Variants in PPA1 observed in about 807,000 individuals in gnomAD.
The protein encoded by PPA1 is inorganic pyrophosphatase 1.
Under a neutral mutation model 41.8 loss-of-function variants are expected in PPA1, and 23 were observed. The observed-to-expected ratio is 0.55, with a 90% CI of 0.40 to 0.78. The LOEUF (loss-of-function observed/expected upper bound fraction) is 0.78. PPA1 is among the 30% of genes least tolerant of loss of function. The pLI, the probability that PPA1 is intolerant of heterozygous loss-of-function variation, is 0.00. For missense variants in PPA1, 320 were observed against 361.6 expected (o/e 0.89, Z 0.93); for synonymous variants, 101 against 116.8 (o/e 0.86, Z 0.87).
chr10:70,202,894 C>A lies in PPA1; in HGVS notation c.*261G>T. On this transcript the variant is annotated 3_prime_UTR_variant, in exon 11 of 11. Coordinates refer to ENST00000373232, the MANE Select transcript of PPA1 (RefSeq NM_021129.4). Reference sequence around the variant, plus strand: ...TAACATATACATCCAATATGTGCTCCCCTTGCACATCTATTCACAAGTGAC... The same window carrying A: ...TAACATATACATCCAATATGTGCTCACCTTGCACATCTATTCACAAGTGAC... The A allele has an allele frequency of 2.1e-6, 1 of 473,682 alleles. No individual in the cohort carries two copies. The allele number at this position is 473,682 out of a possible 1,614,324, so 29.3% of individuals were successfully genotyped here. A position where few individuals can be genotyped will look rare whatever the true frequency, so the allele number is the denominator to read the frequency against.
In PPA1 at chr10:70,233,407, C is replaced by G; in HGVS notation, c.-80G>C. On this transcript the variant is annotated 5_prime_UTR_variant, in exon 1 of 11. Coordinates refer to ENST00000373232, the MANE Select transcript of PPA1 (RefSeq NM_021129.4). ...GCCGACTGACAAGGAGAGAGCCCCA[C>G]GCCTGCGCACTGCGAGCACTGGACC... The G allele has an allele frequency of 6.7e-7, 1 of 1,494,242 alleles. No homozygotes were observed. Among genetic ancestry groups the G allele is most frequent in the East Asian group, 2.7e-5 (1 of 37,232 alleles). The allele number at this position is 1,494,242 out of a possible 1,614,324, so 92.6% of individuals were successfully genotyped here.
chr10:70,206,726 C>A (rs1047855009), intron 8 of PPA1, among the ~76,000 whole-genome samples: 2 of 150,900 alleles, frequency 1.3e-5, no homozygotes, highest in African/African-American at 4.9e-5. Context: ...TGCCTGTAGT[C>A]CCAGCTACTC....
At chr10:70,219,477 T>A (rs1161667420) in intron 2 of PPA1, among the ~76,000 whole-genome samples, 1 of 152,176 alleles carries the variant, frequency 6.6e-6, no homozygotes. Context: ...GATCATACTT[T>A]AGTTTATAAG....
At position 70,220,906 on chromosome 10, in the gene PPA1, T is replaced by TAC. The variant is rs1564584398; in HGVS notation, c.124-2090_124-2089insGT. ...TTATATATACTATATATATAATTTA[T>TAC]ATATAATATATATAATTTTTATATA... On this transcript the variant is annotated intron_variant, in intron 2 of 10. Transcript: ENST00000373232. 8.0e-3 allele frequency among the ~76,000 whole-genome samples: 74 copies of TAC among 9,200 alleles called. 4 individuals carry two copies. Among genetic ancestry groups the TAC allele is most frequent in the Admixed American group, 0.017 (7 of 414 alleles). 6.0% of individuals were successfully genotyped at this position (9,200 alleles called of 152,430 possible). A position where few individuals can be genotyped will look rare whatever the true frequency, so the allele number is the denominator to read the frequency against.
chr10:70,206,103 C>A, intron 9 of PPA1, 161 bp downstream of exon 9: 1 of 607,130 alleles, frequency 1.6e-6, no homozygotes, highest in South Asian at 2.1e-5. Flanking sequence ...GTCAAATGGC[C>A]ACTTGCATGT....
intron 2 of PPA1, among the ~76,000 whole-genome samples, chr10:70,228,489 T>C (rs1480641804): frequency 6.6e-6 from 1 of 152,310 alleles, no homozygotes; most frequent in East Asian, 1.9e-4. Flanking sequence ...TTGCTCAAAA[T>C]GGTCTGAGAT....
rs1038950686 is a variant in PPA1 at position 70,233,402 on chromosome 10, C to A, written c.-75G>T. On this transcript the variant is annotated 5_prime_UTR_variant, in exon 1 of 11. Coordinates refer to ENST00000373232, the MANE Select transcript of PPA1 (RefSeq NM_021129.4). ...GCGGCGCCGACTGACAAGGAGAGAG[C>A]CCCACGCCTGCGCACTGCGAGCACT... The A allele has an allele frequency of 3.6e-4, 546 of 1,508,296 alleles. 4 individuals carry two copies. The highest frequency in any genetic ancestry group is 6.1e-5 in the Non-Finnish European group (69 of 1,133,716). 93.4% of individuals were successfully genotyped at this position (1,508,296 alleles called of 1,614,324 possible).
rs1474841521 is a variant in PPA1 at position 70,204,935 on chromosome 10, A to C, written c.796-20T>G. ...TGGTAACTAAAATATAAAATATTAA[A>C]ATCTATTAGTCTAATCTCATTTTTT... is the stretch of plus-strand genomic sequence containing the variant. On this transcript the variant is annotated intron_variant, in intron 9 of 10. Transcript: ENST00000373232. 1 of 1,557,632 alleles carries C rather than the reference A, an allele frequency of 6.4e-7. No individual in the cohort carries two copies. The highest frequency in any genetic ancestry group is 1.2e-5 in the South Asian group (1 of 86,202).
In PPA1 at chr10:70,202,915, G is replaced by A; in HGVS notation, c.*240C>T. ...GCTCCCCTTGCACATCTATTCACAA[G>A]TGACTTCCAAATGACAACTGCTTTG... On this transcript the variant is annotated 3_prime_UTR_variant, in exon 11 of 11. Transcript: ENST00000373232. 1.9e-6 allele frequency: 1 copy of A among 526,338 alleles called. No individual in the cohort carries two copies. 32.6% of individuals were successfully genotyped at this position (526,338 alleles called of 1,614,324 possible).
At chr10:70,224,823 C>T (rs1429414291) in intron 2 of PPA1, among the ~76,000 whole-genome samples, 3 of 152,050 alleles carry the variant, frequency 2.0e-5, no homozygotes, top group Admixed American at 6.6e-5. Flanking sequence ...CTCCGTCTCC[C>T]GGGTTCAAGC....
At chr10:70,216,636 G>C (rs149721950) in intron 4 of PPA1, among the ~76,000 whole-genome samples, 2 of 152,054 alleles carry the variant, frequency 1.3e-5, no homozygotes, top group African/African-American at 4.8e-5. Flanking sequence ...CCATTTAACA[G>C]ACTTCATTGT....
intron 2 of PPA1, among the ~76,000 whole-genome samples, chr10:70,222,155 G>A (rs184527418): frequency 6.6e-6 from 1 of 151,814 alleles, no homozygotes; most frequent in South Asian, 2.1e-4. Flanking sequence ...CTAACACAGT[G>A]AAAAACCGTG....
chr10:70,233,221 TG>T, intron 1 of PPA1, 42 bp downstream of exon 1: 1 of 1,521,844 alleles, frequency 6.6e-7, no homozygotes, highest in Non-Finnish European at 8.8e-7. Context: ...CGGGAATGAA[TG>T]GGCGGACGGG....
rs1369242648 is a variant in PPA1, at chr10:70,221,072, ATATATTTTT to A, written c.124-2264_124-2256del. ...ATATATATAATTTATATATATATATATATATTTTTTTTTTTTTTTTTTTGTAGAGATGGA... is the reference window on the plus strand; with the variant it reads ...ATATATATAATTTATATATATATATATTTTTTTTTTTTTTGTAGAGATGGA... On this transcript the variant is annotated intron_variant, in intron 2 of 10. Coordinates refer to ENST00000373232, the MANE Select transcript of PPA1 (RefSeq NM_021129.4). Among the ~76,000 whole-genome samples, 19 of 16,466 alleles carry A rather than the reference ATATATTTTT, an allele frequency of 1.2e-3. 3 individuals are homozygous for A. The highest frequency in any genetic ancestry group is 6.9e-3 in the African/African-American group (17 of 2,468). 10.8% of individuals were successfully genotyped at this position (16,466 alleles called of 152,430 possible). A position where few individuals can be genotyped will look rare whatever the true frequency, so the allele number is the denominator to read the frequency against.
chr10:70,215,843 A>T (rs954157048), intron 4 of PPA1, among the ~76,000 whole-genome samples: 5 of 152,200 alleles, frequency 3.3e-5, no homozygotes, highest in African/African-American at 1.2e-4. Flanking sequence ...TGAAAAGTTT[A>T]ATCAGAATTT....
chr10:70,210,248 TA>T, intron 6 of PPA1: 2 of 569,456 alleles, frequency 3.5e-6, no homozygotes, highest in Non-Finnish European at 6.0e-6. Context: ...AGCTAATTTT[TA>T]AATTTTTTGT....
At chr10:70,225,048 C>T (rs1393395113) in intron 2 of PPA1, among the ~76,000 whole-genome samples, 1 of 152,122 alleles carries the variant, frequency 6.6e-6, no homozygotes, top group Non-Finnish European at 1.5e-5. Flanking sequence ...TTATTTCTAA[C>T]CCTGGATTTG....
rs1840143258 is a variant in PPA1 at position 70,220,789 on chromosome 10, A to ATATATATAATATATATAATTTT, written c.124-1973_124-1972insAAAATTATATATATTATATATA. ...TATATATATATAATATATATAATTT[A>ATATATATAATATATATAATTTT]TATATATATAATATATATAATTTTT... is the stretch of plus-strand genomic sequence containing the variant. On this transcript the variant is annotated intron_variant, in intron 2 of 10. Coordinates refer to ENST00000373232, the MANE Select transcript of PPA1 (RefSeq NM_021129.4). Among the ~76,000 whole-genome samples the ATATATATAATATATATAATTTT allele has an allele frequency of 2.2e-3, 5 of 2,280 alleles. 1 individual carries two copies. The highest frequency in any genetic ancestry group is 2.7e-3 in the Non-Finnish European group (4 of 1,498). 1.5% of individuals were successfully genotyped at this position (2,280 alleles called of 152,430 possible).
chr10:70,211,056 C>G (rs889075105), intron 6 of PPA1, among the ~76,000 whole-genome samples: 2 of 152,182 alleles, frequency 1.3e-5, no homozygotes, highest in African/African-American at 4.8e-5. Context: ...AGCCACCGCG[C>G]CCGGCCGCTT....
Sources: gnomAD v4.1 joint callset for allele counts (sites outside exome capture counted in the v4.1 genomes callset) on GRCh38, gnomAD v4.1.1 for gene constraint, MANE v1.5 for transcripts, NCBI Gene and HGNC (gene_info 2026-07-23, HGNC 2026-07-21) for gene names.